The following TP73 variants were observed in gnomAD, a reference collection of about 807,000 sequenced individuals.
The protein encoded by TP73 is p53-like transcription factor.
In TP73, 25 loss-of-function variants were observed where a neutral mutation model predicts 62.5. The observed-to-expected ratio is 0.40, with a 90% CI of 0.29 to 0.56. The LOEUF is 0.56. Ranked by LOEUF, TP73 falls within the 20% of genes least tolerant of loss-of-function variation. The pLI, the probability that TP73 is intolerant of heterozygous loss-of-function variation, is 0.46. For missense variants in TP73, 754 were observed against 913.3 expected (o/e 0.83, Z 2.25); for synonymous variants, 423 against 377.5 (o/e 1.12, Z -1.40).
chr1:3,702,236 TCAGA>T (rs1407485945), intron 3 of TP73, among the ~76,000 whole-genome samples: 1 of 152,120 alleles, frequency 6.6e-6, no homozygotes, highest in African/African-American at 2.4e-5. Context: ...CTCTCTGCTC[TCAGA>T]CAGGCAGGCC....
intron 3 of TP73, among the ~76,000 whole-genome samples, chr1:3,689,161 C>G (rs1431316042): frequency 6.6e-6 from 1 of 152,014 alleles, no homozygotes; most frequent in Admixed American, 6.5e-5. Flanking sequence ...ATCCCCGATC[C>G]CAGCAGGAGT....
At chr1:3,668,515 C>CGTGTGTGTGTGTGTGT (rs70940305) in intron 1 of TP73, 7 of 148,724 alleles carry the variant, frequency 4.7e-5, no homozygotes, top group African/African-American at 1.2e-4. Context: ...ACTTGCTGCA[C>CGTGTGTGTGTGTGTGT]GTGTGTGTGT....
chr1:3,733,222 C>A lies in TP73; in HGVS notation c.*143C>A. The A allele has an allele frequency of 9.9e-7, 1 of 1,012,262 alleles. No individual in the cohort carries two copies. The highest frequency in any genetic ancestry group is 1.4e-6 in the Non-Finnish European group (1 of 712,302). The allele number at this position is 1,012,262 out of a possible 1,614,324, so 62.7% of individuals were successfully genotyped here. A position where few individuals can be genotyped will look rare whatever the true frequency, so the allele number is the denominator to read the frequency against. ...AGGCAAGGTCCGGCCCATCCCCAGG[C>A]ACCTCACAGGCCCCAGGAAAGGCCC... On this transcript the variant is annotated 3_prime_UTR_variant, in exon 14 of 14. Coordinates refer to ENST00000378295, the MANE Select transcript of TP73 (RefSeq NM_005427.4).
intron 1 of TP73, among the ~76,000 whole-genome samples, chr1:3,675,962 G>A (rs1019055482): frequency 1.3e-5 from 2 of 152,072 alleles, no homozygotes; most frequent in Non-Finnish European, 2.9e-5. Context: ...GGCCTGGCCT[G>A]GAGAGATAGG....
At chr1:3,668,258 T>A (rs1645164497) in intron 1 of TP73, among the ~76,000 whole-genome samples, 1 of 152,192 alleles carries the variant, frequency 6.6e-6, no homozygotes, top group Non-Finnish European at 1.5e-5. Flanking sequence ...CCGGCTGCGA[T>A]GAGGGGCCAT....
intron 6 of TP73, 34 bp downstream of exon 6, chr1:3,723,503 G>A (rs763912001): frequency 2.3e-5 from 33 of 1,440,732 alleles, no homozygotes; most frequent in Non-Finnish European, 3.0e-5. Context: ...CCAGGGCCCT[G>A]CAGTCAGCTG....
intron 3 of TP73, among the ~76,000 whole-genome samples, chr1:3,689,715 G>T (rs986614668): frequency 1.3e-5 from 2 of 152,158 alleles, no homozygotes; most frequent in African/African-American, 2.4e-5. Flanking sequence ...GCAGGAAAAG[G>T]TTGGAAGGAA....
At position 3,727,234 on chromosome 1, in the gene TP73, G is replaced by T. The variant is rs368318185; in HGVS notation, c.842+10G>T. On this transcript the variant is annotated intron_variant, in intron 7 of 13. Coordinates refer to ENST00000378295, the MANE Select transcript of TP73 (RefSeq NM_005427.4). ...CCCTGGAGATGCGGGAGTGAGTCCCGGGCACACGGGGTGGAGGTGGGACAG... is the reference window on the plus strand; with the variant it reads ...CCCTGGAGATGCGGGAGTGAGTCCCTGGCACACGGGGTGGAGGTGGGACAG... 1 of 1,609,564 alleles carries T rather than the reference G, an allele frequency of 6.2e-7. No homozygotes were observed. The highest frequency in any genetic ancestry group is 8.5e-7 in the Non-Finnish European group (1 of 1,177,836).
chr1:3,671,846 G>A (rs1045693417), intron 1 of TP73, among the ~76,000 whole-genome samples: 1 of 152,156 alleles, frequency 6.6e-6, no homozygotes. Context: ...AGTGAGGGGT[G>A]GGTGGACCCC....
chr1:3,702,055 G>A (rs1474418758), intron 3 of TP73, among the ~76,000 whole-genome samples: 1 of 152,204 alleles, frequency 6.6e-6, no homozygotes, highest in Non-Finnish European at 1.5e-5. Flanking sequence ...GCTGTTCTGG[G>A]ATGGGCAGCC....
At position 3,732,782 on chromosome 1, in the gene TP73, C is replaced by T. The variant is rs1642235988; in HGVS notation, c.1614C>T (p.Arg538=). 1 of 1,601,056 alleles carries T rather than the reference C, an allele frequency of 6.2e-7. No individual in the cohort carries two copies. The highest frequency in any genetic ancestry group is 8.5e-7 in the Non-Finnish European group (1 of 1,172,020). ...LGALKIPEQY[R]MTIWRGLQDL... is the part of the protein sequence containing the mutation. ...CCCTGAAGATCCCCGAGCAGTACCG[C>T]ATGACCATCTGGCGGGGCCTGCAGG... Residue 538 remains arginine (R), a synonymous_variant, in exon 14 of 14, where the codon CGC becomes CGT. Transcript: ENST00000378295.
At chr1:3,654,256 G>T (rs1644818542) in intron 1 of TP73, among the ~76,000 whole-genome samples, 1 of 152,200 alleles carries the variant, frequency 6.6e-6, no homozygotes. Flanking sequence ...AGGTAGCCTG[G>T]GGTGAACGGA....
At chr1:3,687,327 T>C (rs3765719) in intron 3 of TP73, among the ~76,000 whole-genome samples, 13,424 of 152,228 alleles carry the variant, frequency 0.088, 932 homozygotes, top group East Asian at 0.31. Context: ...GACGGGCTTC[T>C]GGATGCCACC....
rs536845856 is a variant in TP73, at chr1:3,653,272, C to T, written c.-34+631C>T. Among the ~76,000 whole-genome samples the T allele has an allele frequency of 1.5e-4, 23 of 152,344 alleles. No individual in the cohort carries two copies. The East Asian group carries it at 4.3e-3, about 28-fold the overall frequency. Reference sequence around the variant, plus strand: ...GAGGGCTCCTGGCCTGTCTCCGGAGCGGTCCCAGGTAGAGAAAGCCCGTGA... The same window carrying T: ...GAGGGCTCCTGGCCTGTCTCCGGAGTGGTCCCAGGTAGAGAAAGCCCGTGA... On this transcript the variant is annotated intron_variant, in intron 1 of 13. Coordinates refer to ENST00000378295, the MANE Select transcript of TP73 (RefSeq NM_005427.4).
intron 1 of TP73, among the ~76,000 whole-genome samples, chr1:3,674,092 G>A (rs1239988612): frequency 2.6e-5 from 4 of 152,188 alleles, no homozygotes; most frequent in Non-Finnish European, 5.9e-5. Flanking sequence ...TGGAATCCCC[G>A]GGAATTAGCC....
At chr1:3,654,399 C>T (rs1322999358) in intron 1 of TP73, among the ~76,000 whole-genome samples, 1 of 152,114 alleles carries the variant, frequency 6.6e-6, no homozygotes, top group South Asian at 2.1e-4. Flanking sequence ...GAAGGCCAGT[C>T]GCATGGAGAA....
chr1:3,714,966 C>T (rs1640470436), intron 4 of TP73, among the ~76,000 whole-genome samples: 2 of 152,244 alleles, frequency 1.3e-5, no homozygotes, highest in African/African-American at 4.8e-5. Flanking sequence ...TAGTAGCAGC[C>T]ACAGGGCACC....
chr1:3,706,246 C>T (rs1639616173), intron 3 of TP73, among the ~76,000 whole-genome samples: 1 of 152,228 alleles, frequency 6.6e-6, no homozygotes, highest in Admixed American at 6.5e-5. Flanking sequence ...CGCTAGATCA[C>T]TGGGGTCAAT....
intron 3 of TP73, among the ~76,000 whole-genome samples, chr1:3,685,775 C>T (rs565524653): frequency 1.3e-5 from 2 of 152,290 alleles, no homozygotes; most frequent in East Asian, 3.9e-4. Context: ...AAGTTCAGCC[C>T]AGGAGCTCAG....
Sources: gnomAD v4.1 joint callset for allele counts (sites outside exome capture counted in the v4.1 genomes callset) on GRCh38, gnomAD v4.1.1 for gene constraint, MANE v1.5 for transcripts, NCBI Gene and HGNC (gene_info 2026-07-23, HGNC 2026-07-21) for gene names.